Variants in HTT observed in about 807,000 individuals in gnomAD.
The protein encoded by HTT is huntingtin.
Under a neutral mutation model 362.3 loss-of-function variants are expected in HTT, and 104 were observed. That is an observed-to-expected ratio of 0.29 (90% CI 0.24 to 0.34). The LOEUF (loss-of-function observed/expected upper bound fraction) is 0.34, where lower values mean the gene tolerates loss of function less well. HTT is among the 10% of genes least tolerant of loss of function. The pLI, the probability that HTT is intolerant of heterozygous loss-of-function variation, is 1.00. For synonymous variants in HTT, 1,577 were observed against 1,548.7 expected, an observed-to-expected ratio of 1.02 and a Z score of -0.43; for missense variants, 3,301 against 3,928.6, an observed-to-expected ratio of 0.84 and a Z score of 4.27.
rs770325842 is a variant in HTT, at chr4:3,081,550, CTTTTTTTTTT to C, written c.264-5373_264-5364del. Among the ~76,000 whole-genome samples, 379 of 84,502 alleles carry C rather than the reference CTTTTTTTTTT, an allele frequency of 4.5e-3. 2 individuals are homozygous for C. The highest frequency in any genetic ancestry group is 0.015 in the African/African-American group (354 of 23,584). 55.4% of individuals were successfully genotyped at this position (84,502 alleles called of 152,430 possible). On this transcript the variant is annotated intron_variant, in intron 1 of 66. Transcript: ENST00000355072. ...ATAGGACCACATTTGGAAAGCATTTCTTTTTTTTTTTTTTTTTTTTTTTTTGAGACGGAGT... is the reference window on the plus strand; with the variant it reads ...ATAGGACCACATTTGGAAAGCATTTCTTTTTTTTTTTTTTTGAGACGGAGT...
At chr4:3,189,132 C>A (rs755248726) in intron 40 of HTT, 39 bp downstream of exon 40, 10 of 1,602,986 alleles carry the variant, frequency 6.2e-6, no homozygotes, top group South Asian at 1.1e-5. Context: ...GTGTCTCGTT[C>A]CCCATTCTGC....
intron 19 of HTT, among the ~76,000 whole-genome samples, chr4:3,134,769 G>A (rs570004981): frequency 8.6e-5 from 13 of 152,028 alleles, no homozygotes; most frequent in Non-Finnish European, 1.6e-4. Flanking sequence ...TTGCTCTGTC[G>A]CCCAGGCTTG....
chr4:3,219,004 T>C (rs1045715899), intron 52 of HTT, among the ~76,000 whole-genome samples: 10 of 152,126 alleles, frequency 6.6e-5, no homozygotes, highest in Non-Finnish European at 1.5e-4. Flanking sequence ...GGACGCAGTA[T>C]TGTTTGATCC....
chr4:3,088,537 G>A (rs544577505), intron 2 of HTT, among the ~76,000 whole-genome samples: 14 of 152,186 alleles, frequency 9.2e-5, no homozygotes, highest in African/African-American at 2.7e-4. Context: ...ATTTTTAGGG[G>A]TACAGTTCAG....
rs781260492 is a variant in HTT at position 3,206,949 on chromosome 4, G to A, written c.6041G>A (p.Arg2014His). 5.6e-6 allele frequency: 9 copies of A among 1,612,786 alleles called. No homozygotes were observed. The East Asian group carries it at 8.9e-5, about 16-fold the overall frequency. ...CGCATGGTCGACATCCTTGCTTGTCGCCGGGTAGAAATGCTTCTGGCTGCA... is the reference window on the plus strand; with the variant it reads ...CGCATGGTCGACATCCTTGCTTGTCACCGGGTAGAAATGCTTCTGGCTGCA... The part of the protein sequence containing the change: ...LARMVDILAC[R>H]RVEMLLAANL... The change falls in exon 44 of 67, where the codon CGC (arginine) becomes CAC (histidine). Residue 2014 changes from arginine (R) to histidine (H), a missense_variant. Physicochemically the swap from Arg to His is conservative, Grantham distance 29. Around this residue, in one of 4 missense-constraint regions of HTT, gnomAD observed 2,316 missense variants for 2,658.5 expected, o/e 0.87. Coordinates refer to ENST00000355072, the MANE Select transcript of HTT (RefSeq NM_001388492.1). This position sits in a 1 kb window ranked among gnomAD's most constrained non-coding sequence, Gnocchi z 4.6.
chr4:3,122,767 C>T, intron 9 of HTT, 122 bp from the exon 10 acceptor site: 1 of 696,756 alleles, frequency 1.4e-6, no homozygotes, highest in Non-Finnish European at 2.5e-6. Flanking sequence ...TAAGTGTTTC[C>T]TGTGGAAAAA....
intron 26 of HTT, among the ~76,000 whole-genome samples, chr4:3,151,000 T>C (rs576476199): frequency 7.9e-5 from 12 of 151,858 alleles, no homozygotes; most frequent in Non-Finnish European, 1.6e-4. Context: ...GATTGTGCCA[T>C]TGCACTCCAG....
chr4:3,235,229 C>T (rs1721466151), intron 61 of HTT, 55 bp from the exon 62 acceptor site: 1 of 1,219,432 alleles, frequency 8.2e-7, no homozygotes, highest in Non-Finnish European at 1.2e-6. Context: ...TGCTGTGAAG[C>T]CCTCTCCACG....
chr4:3,105,154 G>A (rs1303797991), intron 4 of HTT, among the ~76,000 whole-genome samples: 2 of 152,324 alleles, frequency 1.3e-5, no homozygotes, highest in Admixed American at 1.3e-4. Context: ...TAGATGAGAT[G>A]AGAATTAAAA....
At position 3,176,278 on chromosome 4, in the gene HTT, C is replaced by G. The variant is rs199795635; in HGVS notation, c.4408-1054C>G. The stretch of plus-strand genomic sequence containing the variant: ...TCCTGACCTCGTGATCTGCCCGCCT[C>G]GGCCTCCCAAAGTGCTGGGATGACA... On this transcript the variant is annotated intron_variant, in intron 33 of 66. Transcript: ENST00000355072. Among the ~76,000 whole-genome samples, 9 of 152,276 alleles carry G rather than the reference C, an allele frequency of 5.9e-5. No homozygotes were observed. The East Asian group carries it at 1.2e-3, about 20-fold the overall frequency.
At chr4:3,116,786 C>G (rs1305165533) in intron 8 of HTT, among the ~76,000 whole-genome samples, 1 of 152,194 alleles carries the variant, frequency 6.6e-6, no homozygotes, top group Non-Finnish European at 1.5e-5. Context: ...TGCAGTAATT[C>G]TAATGTACTG....
In HTT at chr4:3,228,742, C is replaced by T. The variant is rs199968967; in HGVS notation, c.7976C>T (p.Ser2659Phe). Residue 2659 changes from serine to phenylalanine, a missense_variant, in exon 58 of 67, where the codon TCC (serine) becomes TTC (phenylalanine). By Grantham distance (155) the Ser-to-Phe change is radical (BLOSUM62 -2). Coordinates refer to ENST00000355072, the MANE Select transcript of HTT (RefSeq NM_001388492.1). This position sits in a 1 kb window ranked among gnomAD's most constrained non-coding sequence, Gnocchi z 4.3. ...PSSPPTSPVN[S>F]RKHRAGVDIH... ...TCACCACCCACGTCTCCAGTCAACT[C>T]CAGGTTTTCCAATGGCCTTTTTCTT... 1.3e-5 allele frequency: 20 copies of T among 1,582,862 alleles called. No homozygotes were observed. The highest frequency in any genetic ancestry group is 1.7e-5 in the Non-Finnish European group (20 of 1,163,426).
chr4:3,129,797 T>C (rs1715714444), intron 12 of HTT, 127 bp from the exon 13 acceptor site: 2 of 1,114,858 alleles, frequency 1.8e-6, no homozygotes, highest in East Asian at 2.4e-5. Context: ...TTGAAATAAA[T>C]GACAGATGAG....
intron 1 of HTT, among the ~76,000 whole-genome samples, chr4:3,075,648 AG>A (rs368641776): frequency 3.7e-5 from 2 of 54,396 alleles, no homozygotes; most frequent in Admixed American, 2.1e-4. Flanking sequence ...GTGGCGGGGC[AG>A]GGGGGGGGCG....
Position 3,160,321 on chromosome 4 carries a change from G to C in HTT, c.3793G>C (p.Gly1265Arg). The C allele has an allele frequency of 1.3e-6, 2 of 1,553,810 alleles. No homozygotes were observed. The highest frequency in any genetic ancestry group is 1.7e-6 in the Non-Finnish European group (2 of 1,147,704). The change falls in exon 29 of 67, where the codon GGG (glycine) becomes CGG (arginine). Residue 1265 changes from glycine (G) to arginine (R), a missense_variant. Transcript: ENST00000355072. ...DLQNSTEKFG[G>R]FLRSALDVLS... is the part of the protein sequence containing the mutation. ...TCAGAACAGCACGGAAAAGTTTGGA[G>C]GGTTTCTCCGCTCAGCCTTGGATGT...
At position 3,182,409 on chromosome 4, in the gene HTT, A is replaced by G. The variant is rs1379126032; in HGVS notation, c.4805A>G (p.Lys1602Arg). ...CAGTGCCACAAGGAGAATGAAGACA[A>G]GTGGAAGCGACTGTCTCGACAGATA... The part of the protein sequence containing the change: ...LQQCHKENED[K>R]WKRLSRQIAD... The change falls in exon 37 of 67, where the codon AAG becomes AGG. Residue 1602 changes from lysine to arginine, a missense_variant. Lys to Arg is a conservative substitution (Grantham distance 26, BLOSUM62 2). Around this residue, in one of 4 missense-constraint regions of HTT, gnomAD observed 2,316 missense variants for 2,658.5 expected, o/e 0.87. Transcript: ENST00000355072. 3 of 1,614,112 alleles carry G rather than the reference A, an allele frequency of 1.9e-6. No individual in the cohort carries two copies. Among genetic ancestry groups the G allele is most frequent in the Admixed American group, 1.7e-5 (1 of 60,026 alleles).
chr4:3,226,726 A>G (rs1720937314), intron 57 of HTT, among the ~76,000 whole-genome samples: 1 of 152,230 alleles, frequency 6.6e-6, no homozygotes. Flanking sequence ...ATGAGCTCTG[A>G]GAGTTTCCTC....
chr4:3,093,960 T>G (rs1019035496), intron 2 of HTT, among the ~76,000 whole-genome samples: 1 of 148,424 alleles, frequency 6.7e-6, no homozygotes, highest in Non-Finnish European at 1.5e-5. Flanking sequence ...GGGTGTTTCT[T>G]GGAGAGGGGG....
intron 63 of HTT, 150 bp from the exon 64 acceptor site, chr4:3,235,999 G>T: frequency 1.4e-6 from 1 of 729,606 alleles, no homozygotes; most frequent in Non-Finnish European, 2.4e-6. Flanking sequence ...CCATGTGGCT[G>T]AGCTGGGCTG....
Sources: gnomAD v4.1 joint callset for allele counts (sites outside exome capture counted in the v4.1 genomes callset) on GRCh38, gnomAD v4.1.1 for gene constraint, gnomAD v4.1.1 regional missense constraint, Gnocchi (gnomAD v3.1) non-coding constraint, MANE v1.5 for transcripts, NCBI Gene and HGNC (gene_info 2026-07-23, HGNC 2026-07-21) for gene names.